The following OTUD7A variants were observed in gnomAD, a reference collection of about 807,000 sequenced individuals.
OTUD7A encodes the protein OTU deubiquitinase 7A, also known as OTU domain-containing protein 7A.
A neutral mutation model predicts 65.7 loss-of-function variants in OTUD7A; 12 were observed. The observed-to-expected ratio is 0.18, with a 90% CI of 0.12 to 0.30. The LOEUF (loss-of-function observed/expected upper bound fraction) is 0.30. OTUD7A is among the 10% of genes least tolerant of loss of function. The pLI, the probability that OTUD7A is intolerant of heterozygous loss-of-function variation, is 1.00. For missense variants in OTUD7A, 1,148 were observed against 1,304.8 expected (o/e 0.88, Z 1.85); for synonymous variants, 641 against 586.3 (o/e 1.09, Z -1.35).
At chr15:31,631,474 G>A (rs568805740) in intron 3 of OTUD7A, among the ~76,000 whole-genome samples, 5 of 152,184 alleles carry the variant, frequency 3.3e-5, no homozygotes, top group Non-Finnish European at 5.9e-5. Flanking sequence ...AGTCTGATGG[G>A]TTTCCCTTTG....
At chr15:31,496,521 C>T (rs34480216) in intron 10 of OTUD7A, among the ~76,000 whole-genome samples, 6,021 of 152,082 alleles carry the variant, frequency 0.04, 219 homozygotes, top group African/African-American at 0.092. Context: ...CGCGCCCCGC[C>T]GATAAATGAT....
At chr15:31,679,769 G>T (rs1264074765) in intron 1 of OTUD7A, among the ~76,000 whole-genome samples, 1 of 152,078 alleles carries the variant, frequency 6.6e-6, no homozygotes, top group East Asian at 1.9e-4. Context: ...CTTTATTGCA[G>T]TGTGAAAACA....
chr15:31,551,771 C>T (rs4779893), intron 5 of OTUD7A, among the ~76,000 whole-genome samples: 32,322 of 152,182 alleles, frequency 0.21, 3,590 homozygotes, highest in African/African-American at 0.26. Context: ...CCTGGGCCCT[C>T]GGATGTCCCC....
At position 31,799,939 on chromosome 15, in the gene OTUD7A, C is replaced by G. The variant is rs144625406; in HGVS notation, c.-100+70568G>C. ...CTCTTCACATGCAACCCAAACTTTT[C>G]TTCAGGTGAATGGGGGGAACCACAC... On this transcript the variant is annotated intron_variant, in intron 1 of 12. Coordinates refer to ENST00000307050, the MANE Select transcript of OTUD7A (RefSeq NM_001382637.1). Among the ~76,000 whole-genome samples the G allele has an allele frequency of 1.4e-3, 206 of 152,254 alleles. 2 individuals carry two copies. Among genetic ancestry groups the G allele is most frequent in the African/African-American group, 4.8e-3 (198 of 41,552 alleles).
chr15:31,747,209 A>T (rs1000805832), intron 1 of OTUD7A, among the ~76,000 whole-genome samples: 1 of 152,210 alleles, frequency 6.6e-6, no homozygotes, highest in Non-Finnish European at 1.5e-5. Flanking sequence ...GGTTGTGCAG[A>T]TCGGGGCTGA....
intron 1 of OTUD7A, among the ~76,000 whole-genome samples, chr15:31,760,152 A>G (rs570591731): frequency 6.6e-6 from 1 of 151,970 alleles, no homozygotes; most frequent in Admixed American, 6.5e-5. Flanking sequence ...AGAACTCTTG[A>G]TCTTCCCTAT....
chr15:31,609,876 T>C (rs544932373), intron 3 of OTUD7A, among the ~76,000 whole-genome samples: 1 of 151,638 alleles, frequency 6.6e-6, no homozygotes, highest in Non-Finnish European at 1.5e-5. Context: ...GAGAGACCCA[T>C]AGATGCTTCA....
At chr15:31,502,194 C>A (rs1189502898) in intron 9 of OTUD7A, among the ~76,000 whole-genome samples, 1 of 152,300 alleles carries the variant, frequency 6.6e-6, no homozygotes, top group Non-Finnish European at 1.5e-5. Flanking sequence ...AGAGTATGTG[C>A]GCTTCTCAAG....
At chr15:31,749,690 T>C (rs1171091842) in intron 1 of OTUD7A, among the ~76,000 whole-genome samples, 3 of 152,026 alleles carry the variant, frequency 2.0e-5, no homozygotes, top group Non-Finnish European at 4.4e-5. Flanking sequence ...AACATAGTGC[T>C]GGAAGTCCTA....
At chr15:31,593,928 A>C (rs886660547) in intron 3 of OTUD7A, among the ~76,000 whole-genome samples, 1 of 152,160 alleles carries the variant, frequency 6.6e-6, no homozygotes, top group African/African-American at 2.4e-5. Context: ...GCAGAAAGCC[A>C]GAGTTAACTT....
At position 31,484,791 on chromosome 15, in the gene OTUD7A, G is replaced by A. The variant is rs79947648; in HGVS notation, c.1372-67C>T. On this transcript the variant is annotated intron_variant, in intron 12 of 12. Coordinates refer to ENST00000307050, the MANE Select transcript of OTUD7A (RefSeq NM_001382637.1). The surrounding 1 kb of genome is among the most constrained non-coding windows in gnomAD (Gnocchi z 4.5). Reference sequence around the variant, plus strand: ...GAGCTGTCCACGCGCCAGCGAGGAAGACACACCTTGCCCCTGTGTTGCCGA... The same window carrying A: ...GAGCTGTCCACGCGCCAGCGAGGAAAACACACCTTGCCCCTGTGTTGCCGA... The A allele has an allele frequency of 0.054, 82,217 of 1,534,282 alleles. 2,675 individuals carry two copies. The highest frequency in any genetic ancestry group is 0.065 in the Middle Eastern group (374 of 5,732).
chr15:31,502,927 C>T (rs888453441), intron 9 of OTUD7A, among the ~76,000 whole-genome samples: 2 of 152,188 alleles, frequency 1.3e-5, no homozygotes, highest in Non-Finnish European at 2.9e-5. Flanking sequence ...GCGTGAAGAG[C>T]CACATCCTGA....
chr15:31,484,348 C>A lies in OTUD7A; in HGVS notation c.1748G>T (p.Gly583Val). 6.2e-7 allele frequency: 1 copy of A among 1,601,104 alleles called. No individual in the cohort carries two copies. The highest frequency in any genetic ancestry group is 1.1e-5 in the South Asian group (1 of 90,996). ...KSRKGSKEESGASASTSPSEK... is the reference protein window; with the variant it reads ...KSRKGSKEESVASASTSPSEK... ...CGACGGCGACGTGCTGGCCGACGCA[C>A]CAGACTCCTCCTTGCTGCCCTTGCG... Residue 583 changes from glycine (G) to valine (V), a missense_variant, in exon 13 of 13, where the codon GGT (glycine) becomes GTT (valine). This residue lies in a region of OTUD7A where 842 missense variants were observed against 769.5 expected (regional missense o/e 1.09). Coordinates refer to ENST00000307050, the MANE Select transcript of OTUD7A (RefSeq NM_001382637.1). This position sits in a 1 kb window ranked among gnomAD's most constrained non-coding sequence, Gnocchi z 4.5.
At chr15:31,790,634 T>C (rs1895788942) in intron 1 of OTUD7A, among the ~76,000 whole-genome samples, 2 of 152,216 alleles carry the variant, frequency 1.3e-5, no homozygotes, top group African/African-American at 4.8e-5. Context: ...GGTGTGAACC[T>C]GGCCTGTGAC....
intron 3 of OTUD7A, among the ~76,000 whole-genome samples, chr15:31,574,370 C>T (rs1889143115): frequency 6.6e-6 from 1 of 152,004 alleles, no homozygotes; most frequent in East Asian, 1.9e-4. Flanking sequence ...AGGCTTAATG[C>T]AACTATTTAA....
rs1373401325 is a variant in OTUD7A at position 31,559,138 on chromosome 15, G to A, written c.381C>T (p.Ser127=). The part of the protein sequence containing the change: ...GISHASSAIV[S]LARSHVASEC... Reference sequence around the variant, plus strand: ...CACTTGCCACGTGGGACCGGGCCAGGGAGACGATGGCTGAGCTGGCGTGGG... The same window carrying A: ...CACTTGCCACGTGGGACCGGGCCAGAGAGACGATGGCTGAGCTGGCGTGGG... The change falls in exon 5 of 13, where the codon TCC becomes TCT. Residue 127 remains serine, a synonymous_variant. Coordinates refer to ENST00000307050, the MANE Select transcript of OTUD7A (RefSeq NM_001382637.1). The A allele has an allele frequency of 1.9e-6, 3 of 1,614,216 alleles. No individual in the cohort carries two copies. Among genetic ancestry groups the A allele is most frequent in the East Asian group, 4.5e-5 (2 of 44,894 alleles).
chr15:31,830,936 G>A (rs988457859), intron 1 of OTUD7A, among the ~76,000 whole-genome samples: 2 of 152,198 alleles, frequency 1.3e-5, no homozygotes, highest in African/African-American at 4.8e-5. Context: ...ACAAGGGCAT[G>A]GTAATCAAGG....
At chr15:31,735,156 T>C (rs1290818655) in intron 1 of OTUD7A, among the ~76,000 whole-genome samples, 3 of 152,196 alleles carry the variant, frequency 2.0e-5, no homozygotes, top group African/African-American at 4.8e-5. Flanking sequence ...TCAATATCAC[T>C]GATCATTAAA....
intron 3 of OTUD7A, among the ~76,000 whole-genome samples, chr15:31,599,087 G>A (rs1889997944): frequency 6.6e-6 from 1 of 152,232 alleles, no homozygotes; most frequent in Non-Finnish European, 1.5e-5. Flanking sequence ...AGCTTCAGCA[G>A]ACTTAAATAT....
Sources: gnomAD v4.1 joint callset for allele counts (sites outside exome capture counted in the v4.1 genomes callset) on GRCh38, gnomAD v4.1.1 for gene constraint, gnomAD v4.1.1 regional missense constraint, Gnocchi (gnomAD v3.1) non-coding constraint, MANE v1.5 for transcripts, NCBI Gene and HGNC (gene_info 2026-07-23, HGNC 2026-07-21) for gene names.